ATP2B1: variants seen among roughly 807,000 people sequenced by gnomAD.
ATP2B1 encodes the protein ATPase plasma membrane Ca2+ transporting 1, also known as plasma membrane calcium-transporting ATPase 1.
Under a neutral mutation model 124.2 loss-of-function variants are expected in ATP2B1, and 14 were observed. That is an observed-to-expected ratio of 0.11 (90% CI 0.07 to 0.18). ATP2B1 has a LOEUF of 0.18. Among genes scored for constraint, ATP2B1 ranks in the 10% least tolerant of loss-of-function variants. The probability of loss-of-function intolerance (pLI) is 1.00; values close to 1 mark genes in which losing one functional copy is unlikely to be tolerated. For synonymous variants in ATP2B1, 449 were observed against 492.4 expected (o/e 0.91, Z 1.17); for missense variants, 763 against 1,466.1 (o/e 0.52, Z 7.83).
chr12:89,664,945 C>T (rs57080948), intron 1 of ATP2B1, among the ~76,000 whole-genome samples: 2,048 of 151,634 alleles, frequency 0.014, 42 homozygotes, highest in African/African-American at 0.046. Context: ...TGGGTTCAAG[C>T]GATTCTCATG....
At position 89,649,850 on chromosome 12, in the gene ATP2B1, G is replaced by A. The variant is rs552816483; in HGVS notation, c.208+5829C>T. On this transcript the variant is annotated intron_variant, in intron 2 of 20. Transcript: ENST00000428670. Reference sequence around the variant, plus strand: ...ATGGACAGTTTAGCACCATCCCCTTGGTGATAAGTGAGTTCTTGCTCAGTT... The same window carrying A: ...ATGGACAGTTTAGCACCATCCCCTTAGTGATAAGTGAGTTCTTGCTCAGTT... Among the ~76,000 whole-genome samples, 23 of 152,254 alleles carry A rather than the reference G, an allele frequency of 1.5e-4. No homozygotes were observed. The East Asian group carries it at 4.2e-3, about 28-fold the overall frequency.
intron 10 of ATP2B1, among the ~76,000 whole-genome samples, chr12:89,620,933 T>C (rs1248398639): frequency 1.3e-5 from 2 of 152,194 alleles, no homozygotes; most frequent in Non-Finnish European, 2.9e-5. Flanking sequence ...TGCAATATTA[T>C]TTTTGTTAAT....
chr12:89,632,255 AG>A (rs1255062963), intron 5 of ATP2B1, among the ~76,000 whole-genome samples: 3 of 152,174 alleles, frequency 2.0e-5, no homozygotes, highest in African/African-American at 7.2e-5. Flanking sequence ...TTGATGCTCA[AG>A]GATTATTTGC....
chr12:89,589,046 CTTT>C lies in ATP2B1; in HGVS notation c.*1935_*1937del, dbSNP rs1003902790. Reference sequence around the variant, plus strand: ...TGCTTTCCAGCATATCATGCTACCTCTTTTTTACAGTATGATTCACTATAAATA... The same window carrying C: ...TGCTTTCCAGCATATCATGCTACCTCTTTACAGTATGATTCACTATAAATA... On this transcript the variant is annotated 3_prime_UTR_variant, in exon 21 of 21. Transcript: ENST00000428670. 6.6e-6 allele frequency: 1 copy of C among 152,546 alleles called. No homozygotes were observed. The highest frequency in any genetic ancestry group is 1.5e-5 in the Non-Finnish European group (1 of 68,010). 9.4% of individuals were successfully genotyped at this position (152,546 alleles called of 1,614,324 possible). A position where few individuals can be genotyped will look rare whatever the true frequency, so the allele number is the denominator to read the frequency against.
chr12:89,655,821 A>G lies in ATP2B1; in HGVS notation c.66T>C (p.Asn22=), dbSNP rs1885892197. ...GCGTAATTCCAAAGTCTCCATCATGATTAGCTTCCTTCAAAGAGTTTTTCA... is the reference window on the plus strand; with the variant it reads ...GCGTAATTCCAAAGTCTCCATCATGGTTAGCTTCCTTCAAAGAGTTTTTCA... ...SGVKNSLKEA[N]HDGDFGITLA... Residue 22 remains asparagine, a synonymous_variant, in exon 2 of 21, where the codon AAT becomes AAC. Coordinates refer to ENST00000428670, the MANE Select transcript of ATP2B1 (RefSeq NM_001366521.1). 19 of 1,613,928 alleles carry G rather than the reference A, an allele frequency of 1.2e-5. No homozygotes were observed. The East Asian group carries it at 4.2e-4, about 36-fold the overall frequency.
chr12:89,603,330 T>C lies in ATP2B1; in HGVS notation c.2849-76A>G. ...TCAAGGAGGTATACAAATTACAACTTAGCTAGACCTTTTATTTGATCTGAA... is the reference window on the plus strand; with the variant it reads ...TCAAGGAGGTATACAAATTACAACTCAGCTAGACCTTTTATTTGATCTGAA... On this transcript the variant is annotated intron_variant, in intron 17 of 20. Coordinates refer to ENST00000428670, the MANE Select transcript of ATP2B1 (RefSeq NM_001366521.1). The surrounding 1 kb of genome is among the most constrained non-coding windows in gnomAD (Gnocchi z 4.3). 3 of 1,189,904 alleles carry C rather than the reference T, an allele frequency of 2.5e-6. No homozygotes were observed. Among genetic ancestry groups the C allele is most frequent in the Non-Finnish European group, 3.5e-6 (3 of 864,010 alleles). 73.7% of individuals were successfully genotyped at this position (1,189,904 alleles called of 1,614,324 possible).
intron 1 of ATP2B1, among the ~76,000 whole-genome samples, chr12:89,663,836 C>T (rs573746234): frequency 8.3e-4 from 126 of 152,198 alleles, no homozygotes; most frequent in African/African-American, 3.0e-3. Flanking sequence ...ATGTCTGACT[C>T]TTATTCTCAC....
chr12:89,603,537 G>A lies in ATP2B1; in HGVS notation c.2848+175C>T. On this transcript the variant is annotated intron_variant, in intron 17 of 20. Coordinates refer to ENST00000428670, the MANE Select transcript of ATP2B1 (RefSeq NM_001366521.1). The surrounding 1 kb of genome is among the most constrained non-coding windows in gnomAD (Gnocchi z 4.3). ...ATTCTCCTGTTTATTCTACTATCTA[G>A]CTTATTGTCCTCCCAAATTTACTAA... 1 of 695,520 alleles carries A rather than the reference G, an allele frequency of 1.4e-6. No homozygotes were observed. Among genetic ancestry groups the A allele is most frequent in the South Asian group, 1.9e-5 (1 of 51,546 alleles). 43.1% of individuals were successfully genotyped at this position (695,520 alleles called of 1,614,324 possible).
chr12:89,637,592 T>C (rs892517049), intron 3 of ATP2B1, among the ~76,000 whole-genome samples: 130 of 152,118 alleles, frequency 8.5e-4, no homozygotes, highest in African/African-American at 3.0e-3. Flanking sequence ...AGAGATGGGA[T>C]CTCGCCACAT....
chr12:89,681,381 AATT>A (rs1889332706), intron 1 of ATP2B1, among the ~76,000 whole-genome samples: 1 of 142,026 alleles, frequency 7.0e-6, no homozygotes, highest in Admixed American at 7.0e-5. Context: ...AATCCCTATA[AATT>A]TTTTTTTTTT....
chr12:89,707,207 G>C (rs1486466954), intron 1 of ATP2B1, among the ~76,000 whole-genome samples: 2 of 152,038 alleles, frequency 1.3e-5, no homozygotes, highest in South Asian at 2.1e-4. Flanking sequence ...GGCTGGCATC[G>C]GGGCAAGTGG....
intron 3 of ATP2B1, 28 bp downstream of exon 3, chr12:89,642,130 C>T: frequency 6.4e-7 from 1 of 1,573,628 alleles, no homozygotes; most frequent in Non-Finnish European, 8.7e-7. Context: ...TAGCATCAGA[C>T]ATGTCTTTTT....
At position 89,590,537 on chromosome 12, in the gene ATP2B1, CA is replaced by C. The variant is rs1231579178; in HGVS notation, c.*446del. On this transcript the variant is annotated 3_prime_UTR_variant, in exon 21 of 21. Coordinates refer to ENST00000428670, the MANE Select transcript of ATP2B1 (RefSeq NM_001366521.1). ...AAAAAGTATCTACAAACCTTGTAAA[CA>C]GATCTGTATCATTTATAAACATAAA... 3.9e-5 allele frequency: 6 copies of C among 153,812 alleles called. No homozygotes were observed. The highest frequency in any genetic ancestry group is 1.5e-4 in the African/African-American group (6 of 41,282). The allele number at this position is 153,812 out of a possible 1,614,324, so 9.5% of individuals were successfully genotyped here.
At chr12:89,649,636 C>A (rs1157759839) in intron 2 of ATP2B1, among the ~76,000 whole-genome samples, 2 of 152,114 alleles carry the variant, frequency 1.3e-5, no homozygotes, top group Non-Finnish European at 2.9e-5. Flanking sequence ...TTAGTTAAAA[C>A]TTTGGGACAC....
chr12:89,696,710 G>C (rs1242143378), intron 1 of ATP2B1, among the ~76,000 whole-genome samples: 1 of 152,152 alleles, frequency 6.6e-6, no homozygotes, highest in Non-Finnish European at 1.5e-5. Context: ...AAAAGGTTAT[G>C]TAAGTCACTG....
intron 2 of ATP2B1, among the ~76,000 whole-genome samples, chr12:89,648,161 G>A (rs546949760): frequency 2.6e-5 from 4 of 152,296 alleles, no homozygotes; most frequent in East Asian, 1.9e-4. Flanking sequence ...AAGTGGAAGC[G>A]GCTTTGTAGC....
At chr12:89,622,438 A>C (rs1483674898) in intron 9 of ATP2B1, among the ~76,000 whole-genome samples, 1 of 152,046 alleles carries the variant, frequency 6.6e-6, no homozygotes, top group Non-Finnish European at 1.5e-5. Flanking sequence ...TCTCATTTAC[A>C]ACAGAAAAAA....
chr12:89,640,157 G>A (rs1216624949), intron 3 of ATP2B1, among the ~76,000 whole-genome samples: 1 of 152,074 alleles, frequency 6.6e-6, no homozygotes, highest in African/African-American at 2.4e-5. Context: ...GGGTATAGCA[G>A]GAATCTCTAA....
chr12:89,611,883 T>C (rs1878086901), intron 12 of ATP2B1: 1 of 152,318 alleles, frequency 6.6e-6, no homozygotes, highest in Non-Finnish European at 1.5e-5. Context: ...CCTACCTCAC[T>C]GTAAGAGGAG....
Sources: gnomAD v4.1 joint callset for allele counts (sites outside exome capture counted in the v4.1 genomes callset) on GRCh38, gnomAD v4.1.1 for gene constraint, Gnocchi (gnomAD v3.1) non-coding constraint, MANE v1.5 for transcripts, NCBI Gene and HGNC (gene_info 2026-07-23, HGNC 2026-07-21) for gene names.